The following SRGAP2B variants were observed in gnomAD, a reference collection of about 807,000 sequenced individuals.
The protein encoded by SRGAP2B is SLIT-ROBO Rho GTPase activating protein 2B.
A neutral mutation model predicts 22.2 loss-of-function variants in SRGAP2B; 9 were observed. The observed-to-expected ratio is 0.41, with a 90% CI of 0.24 to 0.71. The LOEUF (loss-of-function observed/expected upper bound fraction) is 0.71. Among genes scored for constraint, SRGAP2B ranks in the 30% least tolerant of loss-of-function variants. The pLI is 0.35. For missense variants in SRGAP2B, 114 were observed against 235.8 expected (o/e 0.48, Z 3.38); for synonymous variants, 36 against 87.4 (o/e 0.41, Z 3.28).
At position 145,024,915 on chromosome 1, in the gene SRGAP2B, C is replaced by G. The variant is rs190069396; in HGVS notation, c.68-29715G>C. ...GTCTGCAAAGCTCCTGGTCCCACAACGTCTACACTCCCAAGCCCAATATCC... is the reference window on the plus strand; with the variant it reads ...GTCTGCAAAGCTCCTGGTCCCACAAGGTCTACACTCCCAAGCCCAATATCC... On this transcript the variant is annotated intron_variant, in intron 2 of 9. Coordinates refer to ENST00000612199, the Ensembl canonical transcript of SRGAP2B. Among the ~76,000 whole-genome samples, 1,007 of 149,040 alleles carry G rather than the reference C, an allele frequency of 6.8e-3. 20 individuals carry two copies. Among genetic ancestry groups the G allele is most frequent in the Non-Finnish European group, 0.011 (720 of 67,766 alleles).
At chr1:144,920,791 C>T (rs1553604230) in intron 4 of SRGAP2B, among the ~76,000 whole-genome samples, 1 of 150,742 alleles carries the variant, frequency 6.6e-6, no homozygotes, top group East Asian at 1.9e-4. Context: ...AGACTGGTTA[C>T]ATACAAAAGT....
At chr1:144,966,840 C>T (rs1363773873) in intron 3 of SRGAP2B, among the ~76,000 whole-genome samples, 1 of 149,124 alleles carries the variant, frequency 6.7e-6, no homozygotes, top group African/African-American at 2.6e-5. Context: ...GGGTTGCAAT[C>T]CTAGTCTCTG....
intron 2 of SRGAP2B, among the ~76,000 whole-genome samples, chr1:145,006,792 T>G (rs1170283133): frequency 4.0e-5 from 6 of 150,814 alleles, no homozygotes; most frequent in Admixed American, 1.3e-4. Flanking sequence ...AAGTGCTTAT[T>G]ATGTGCCAAG....
intron 4 of SRGAP2B, among the ~76,000 whole-genome samples, chr1:144,938,197 AATT>A (rs1383261123): frequency 2.0e-4 from 1 of 5,028 alleles, no homozygotes; most frequent in Non-Finnish European, 4.3e-4. Context: ...TTCCTGCCCT[AATT>A]ATTTATAGAA....
Position 144,923,292 on chromosome 1 carries a change from T to G in SRGAP2B, c.424-8538A>C, listed in dbSNP as rs1443353795. On this transcript the variant is annotated intron_variant, in intron 4 of 9. Coordinates refer to ENST00000612199, the Ensembl canonical transcript of SRGAP2B. ...TAAACTACCACTGTGATCTTTGTCT[T>G]GGCAAATTTCCATCTTTTACCCTTT... is the stretch of plus-strand genomic sequence containing the variant. Among the ~76,000 whole-genome samples the G allele has an allele frequency of 2.0e-5, 3 of 150,900 alleles. No individual in the cohort carries two copies. In the East Asian group the frequency reaches 5.8e-4, roughly 29 times the overall value.
intron 4 of SRGAP2B, among the ~76,000 whole-genome samples, chr1:144,925,231 C>T (rs1379175926): frequency 6.7e-6 from 1 of 150,032 alleles, no homozygotes; most frequent in Non-Finnish European, 1.5e-5. Flanking sequence ...TCTCGAACTC[C>T]TGACCTCAAG....
chr1:144,981,124 GTCAGCTCCCAA>G (rs1335523396), intron 3 of SRGAP2B, among the ~76,000 whole-genome samples: 3 of 150,124 alleles, frequency 2.0e-5, no homozygotes, highest in Non-Finnish European at 4.4e-5. Context: ...ACTTAACACA[GTCAGCTCCCAA>G]TAAGATGACA....
chr1:145,000,977 C>A (rs1378331010), intron 2 of SRGAP2B, among the ~76,000 whole-genome samples: 4 of 147,122 alleles, frequency 2.7e-5, no homozygotes, highest in Admixed American at 6.6e-5. Flanking sequence ...TTCACAAACA[C>A]ATGAAGTCAC....
chr1:145,088,282 T>C (rs9777911), intron 2 of SRGAP2B, among the ~76,000 whole-genome samples: 3 of 124,374 alleles, frequency 2.4e-5, no homozygotes, highest in African/African-American at 9.8e-5. Context: ...TATATATACA[T>C]ACACAATACG....
chr1:144,974,864 T>C (rs1668780154), intron 3 of SRGAP2B, among the ~76,000 whole-genome samples: 1 of 146,344 alleles, frequency 6.8e-6, no homozygotes, highest in Non-Finnish European at 1.5e-5. Context: ...GCTGAGCAGA[T>C]GCTGATGCTG....
intron 2 of SRGAP2B, among the ~76,000 whole-genome samples, chr1:145,066,924 CA>C (rs1651562340): frequency 6.7e-6 from 1 of 148,248 alleles, no homozygotes; most frequent in African/African-American, 2.6e-5. Flanking sequence ...CAGTTAGGTA[CA>C]AATCTACCAA....
intron 2 of SRGAP2B, among the ~76,000 whole-genome samples, chr1:145,006,812 A>G (rs1671629560): frequency 6.6e-6 from 1 of 150,730 alleles, no homozygotes; most frequent in South Asian, 2.1e-4. Flanking sequence ...GTAGGCTCCT[A>G]TTGAGTCACT....
At chr1:145,020,793 C>T (rs1222072502) in intron 2 of SRGAP2B, among the ~76,000 whole-genome samples, 1 of 150,800 alleles carries the variant, frequency 6.6e-6, no homozygotes, top group Non-Finnish European at 1.5e-5. Flanking sequence ...GGGTCTTCTA[C>T]TCTATTTTCT....
intron 2 of SRGAP2B, among the ~76,000 whole-genome samples, chr1:145,016,845 T>G (rs1553623223): frequency 6.6e-6 from 1 of 150,984 alleles, no homozygotes; most frequent in Non-Finnish European, 1.5e-5. Context: ...CACTCAAGTT[T>G]TTTTTTTTTT....
At chr1:144,951,185 T>TTTTTTG (rs1666838267) in intron 4 of SRGAP2B, among the ~76,000 whole-genome samples, 1 of 149,650 alleles carries the variant, frequency 6.7e-6, no homozygotes, top group Non-Finnish European at 1.5e-5. Context: ...TTTGTTTTTT[T>TTTTTTG]TTTTTAAACA....
chr1:144,985,497 T>A (rs587597040), intron 3 of SRGAP2B, among the ~76,000 whole-genome samples: 2 of 150,626 alleles, frequency 1.3e-5, no homozygotes, highest in South Asian at 4.2e-4. Context: ...TTACAGCAAG[T>A]CTATTTAAAA....
In SRGAP2B at chr1:144,973,319, C is replaced by A. The variant is rs587689217; in HGVS notation, c.261-17718G>T. ...GGTCTTAAATTATGGGAGATAATTA[C>A]GTATTCCAGATCCCTTTGAGAATCG... On this transcript the variant is annotated intron_variant, in intron 3 of 9. Transcript: ENST00000612199. Among the ~76,000 whole-genome samples, 22 of 144,508 alleles carry A rather than the reference C, an allele frequency of 1.5e-4. No individual in the cohort carries two copies. In the East Asian group the frequency reaches 3.5e-3, roughly 23 times the overall value. The allele number at this position is 144,508 out of a possible 152,430, so 94.8% of individuals were successfully genotyped here. A position where few individuals can be genotyped will look rare whatever the true frequency, so the allele number is the denominator to read the frequency against.
chr1:144,962,767 T>C (rs1371337984), intron 3 of SRGAP2B, among the ~76,000 whole-genome samples: 3 of 143,422 alleles, frequency 2.1e-5, no homozygotes, highest in Non-Finnish European at 3.0e-5. Flanking sequence ...GTTTCTGATA[T>C]CTTATTGTCC....
At chr1:145,041,270 C>T (rs1286010342) in intron 2 of SRGAP2B, among the ~76,000 whole-genome samples, 3 of 105,060 alleles carry the variant, frequency 2.9e-5, no homozygotes, top group Non-Finnish European at 1.9e-5. Flanking sequence ...CTGTTATTGC[C>T]TCTAGTCTCC....
Sources: allele counts gnomAD v4.1 joint callset (sites outside exome capture counted in the v4.1 genomes callset), GRCh38; gene constraint gnomAD v4.1.1; transcripts MANE v1.5; gene names NCBI Gene and HGNC (gene_info 2026-07-23, HGNC 2026-07-21).